DENND1A: variants seen among roughly 807,000 people sequenced by gnomAD.
DENND1A encodes the protein DENN domain containing 1A, also known as DENN domain-containing protein 1A.
Under a neutral mutation model 113.7 loss-of-function variants are expected in DENND1A, and 51 were observed. The ratio of observed to expected loss-of-function variants is 0.45; its 90% CI spans 0.36 to 0.57. The LOEUF (loss-of-function observed/expected upper bound fraction) is 0.57. DENND1A is among the 20% of genes least tolerant of loss of function. DENND1A has a pLI of 0.00. For synonymous variants in DENND1A, 565 were observed against 570.8 expected (o/e 0.99, Z 0.14); for missense variants, 1,258 against 1,395.9 (o/e 0.90, Z 1.57).
At chr9:123,505,436 A>G in intron 13 of DENND1A, among the ~76,000 whole-genome samples, 1 of 152,244 alleles carries the variant, frequency 6.6e-6, no homozygotes, top group East Asian at 1.9e-4. Context: ...TGAGGCATGT[A>G]GGCAACATAG....
intron 6 of DENND1A, among the ~76,000 whole-genome samples, chr9:123,671,824 A>G (rs913783): frequency 0.49 from 74,690 of 152,038 alleles, 20,806 homozygotes; most frequent in African/African-American, 0.77. Context: ...CTCCAATTAT[A>G]GAAAGTTAGA....
chr9:123,607,488 G>GACACACACACACACACAC (rs10557656), intron 11 of DENND1A, among the ~76,000 whole-genome samples: 2 of 70,990 alleles, frequency 2.8e-5, no homozygotes, highest in African/African-American at 1.2e-4. Flanking sequence ...CAGAGAGAGA[G>GACACACACACACACACAC]ACACACACAC....
In DENND1A at chr9:123,687,481, A is replaced by G. The variant is rs1009856028; in HGVS notation, c.303-10692T>C. Among the ~76,000 whole-genome samples the G allele has an allele frequency of 1.4e-4, 22 of 152,242 alleles. 1 individual carries two copies. Among genetic ancestry groups the G allele is most frequent in the Non-Finnish European group, 5.9e-5 (4 of 68,036 alleles). On this transcript the variant is annotated intron_variant, in intron 5 of 23. Transcript: ENST00000394215. ...GAAGCATTCTGGGGTGAGATTGCCC[A>G]GAGCACCACATCCAAGAATGACCCT...
rs1489846673 is a variant in DENND1A at position 123,552,020 on chromosome 9, A to T, written c.993+5550T>A. Among the ~76,000 whole-genome samples, 180 of 125,408 alleles carry T rather than the reference A, an allele frequency of 1.4e-3. 1 individual carries two copies. The highest frequency in any genetic ancestry group is 6.2e-3 in the African/African-American group (159 of 25,474). The allele number at this position is 125,408 out of a possible 152,430, so 82.3% of individuals were successfully genotyped here. ...GAGAGAGCGAGAGAGAGCGAGAGCG[A>T]GAGAGAGAGAGAGAGAGACAGAGAG... On this transcript the variant is annotated intron_variant, in intron 13 of 23. Coordinates refer to ENST00000394215, the MANE Select transcript of DENND1A (RefSeq NM_001352964.2).
intron 3 of DENND1A, among the ~76,000 whole-genome samples, chr9:123,781,103 C>A (rs963440787): frequency 1.3e-5 from 2 of 152,182 alleles, no homozygotes; most frequent in Non-Finnish European, 2.9e-5. Flanking sequence ...AGTACTAGCC[C>A]TCCATGTTGA....
intron 12 of DENND1A, among the ~76,000 whole-genome samples, chr9:123,562,317 T>C (rs2057805672): frequency 6.6e-6 from 1 of 152,156 alleles, no homozygotes; most frequent in Non-Finnish European, 1.5e-5. Context: ...CTCTTGTCCC[T>C]TCCTGTCCTG....
At chr9:123,916,529 C>T (rs890322979) in intron 1 of DENND1A, among the ~76,000 whole-genome samples, 2 of 151,996 alleles carry the variant, frequency 1.3e-5, no homozygotes, top group African/African-American at 2.4e-5. Flanking sequence ...TGTGCCACCA[C>T]GCCCAGCTTA....
At chr9:123,728,506 A>AAAAAAAC (rs1564150268) in intron 5 of DENND1A, among the ~76,000 whole-genome samples, 10 of 145,812 alleles carry the variant, frequency 6.9e-5, no homozygotes, top group African/African-American at 2.4e-4. Context: ...AAAAAAAAAA[A>AAAAAAAC]AAAACAGGCA....
intron 13 of DENND1A, among the ~76,000 whole-genome samples, chr9:123,489,362 C>A (rs76145471): frequency 6.6e-6 from 1 of 152,196 alleles, no homozygotes; most frequent in African/African-American, 2.4e-5. Context: ...AATCCTGGCA[C>A]TGAGTAGATG....
intron 8 of DENND1A, among the ~76,000 whole-genome samples, chr9:123,655,801 A>G (rs1254729838): frequency 6.6e-6 from 1 of 152,210 alleles, no homozygotes. Context: ...AAAAGACACA[A>G]GATAAGCCAC....
intron 13 of DENND1A, among the ~76,000 whole-genome samples, chr9:123,475,398 T>C (rs1240202381): frequency 1.3e-5 from 2 of 152,248 alleles, no homozygotes; most frequent in Admixed American, 1.3e-4. Context: ...GATCCCCCTC[T>C]CCCTTACTGA....
At chr9:123,713,604 C>T (rs1156890334) in intron 5 of DENND1A, among the ~76,000 whole-genome samples, 1 of 151,954 alleles carries the variant, frequency 6.6e-6, no homozygotes, top group East Asian at 1.9e-4. Context: ...CATACCTTTC[C>T]ACATACTCCT....
At chr9:123,870,436 A>ATT (rs945620687) in intron 2 of DENND1A, among the ~76,000 whole-genome samples, 18 of 136,494 alleles carry the variant, frequency 1.3e-4, no homozygotes, top group African/African-American at 2.4e-4. Context: ...TGCCCGGCTA[A>ATT]TTTTTTTTTT....
intron 19 of DENND1A, among the ~76,000 whole-genome samples, chr9:123,425,647 C>A (rs1273845327): frequency 2.0e-5 from 3 of 152,196 alleles, no homozygotes. Context: ...CTCGTCTGTG[C>A]CAGGCCCTGT....
chr9:123,607,628 A>C (rs2060233628), intron 11 of DENND1A, among the ~76,000 whole-genome samples: 1 of 147,268 alleles, frequency 6.8e-6, no homozygotes, highest in African/African-American at 2.5e-5. Flanking sequence ...TCCGTAGTAC[A>C]TCCAGGTGAA....
chr9:123,751,755 G>A (rs2070059137), intron 5 of DENND1A: 1 of 152,052 alleles, frequency 6.6e-6, no homozygotes, highest in Admixed American at 6.5e-5. Context: ...GGGACTTTGT[G>A]TATCAGTTCT....
chr9:123,545,667 C>G (rs2056622827), intron 13 of DENND1A, among the ~76,000 whole-genome samples: 1 of 152,014 alleles, frequency 6.6e-6, no homozygotes, highest in African/African-American at 2.4e-5. Flanking sequence ...CGGGGTTTCA[C>G]TGTGTTAGCC....
intron 1 of DENND1A, 24 bp downstream of exon 1, chr9:123,929,865 T>C (rs1857735433): frequency 3.9e-6 from 1 of 257,032 alleles, no homozygotes; most frequent in South Asian, 8.5e-5. Flanking sequence ...CCGGCCCGGC[T>C]CCGCCCGGCC....
At chr9:123,410,512 G>A (rs886174680) in intron 20 of DENND1A, among the ~76,000 whole-genome samples, 5 of 152,182 alleles carry the variant, frequency 3.3e-5, no homozygotes, top group South Asian at 2.1e-4. Flanking sequence ...GTGGACTCGC[G>A]ACGGTCACAG....
Sources: gnomAD v4.1 joint callset for allele counts (sites outside exome capture counted in the v4.1 genomes callset) on GRCh38, gnomAD v4.1.1 for gene constraint, MANE v1.5 for transcripts, NCBI Gene and HGNC (gene_info 2026-07-23, HGNC 2026-07-21) for gene names.